Variants in RYR2 observed in about 807,000 individuals in gnomAD.
RYR2 encodes the protein ryanodine receptor 2.
RYR2 carries 227 observed loss-of-function variants against 601.1 expected under a neutral mutation model. That is an observed-to-expected ratio of 0.38 (90% CI 0.34 to 0.42). The LOEUF is 0.42. Among genes scored for constraint, RYR2 ranks in the 10% least tolerant of loss-of-function variants. The pLI is 1.00. For missense variants in RYR2, 4,646 were observed against 6,156.5 expected, an observed-to-expected ratio of 0.75 and a Z score of 8.21; for synonymous variants, 2,223 against 2,175.1, an observed-to-expected ratio of 1.02 and a Z score of -0.61.
intron 87 of RYR2, among the ~76,000 whole-genome samples, chr1:237,776,806 AT>A (rs1422287339): frequency 6.6e-6 from 1 of 151,908 alleles, no homozygotes; most frequent in Non-Finnish European, 1.5e-5. Context: ...GGTGTGTTGT[AT>A]TTTTTTATCT....
intron 25 of RYR2, among the ~76,000 whole-genome samples, chr1:237,544,222 C>G (rs1235581596): frequency 6.6e-6 from 1 of 151,592 alleles, no homozygotes; most frequent in Non-Finnish European, 1.5e-5. Context: ...ATATATATTC[C>G]TCATAAGCTA....
intron 88 of RYR2, among the ~76,000 whole-genome samples, chr1:237,780,563 G>C (rs1695019719): frequency 6.6e-6 from 1 of 152,298 alleles, no homozygotes; most frequent in Non-Finnish European, 1.5e-5. Flanking sequence ...TTGTGCAGAT[G>C]TAAGTATGAT....
chr1:237,395,836 A>G (rs1345875990), intron 10 of RYR2, among the ~76,000 whole-genome samples: 6 of 151,936 alleles, frequency 3.9e-5, no homozygotes, highest in South Asian at 2.1e-4. Context: ...ATGAGCCACC[A>G]CGCCCAGCCA....
At position 237,496,577 on chromosome 1, in the gene RYR2, A is replaced by G. The variant is rs1170751682; in HGVS notation, c.2028A>G (p.Glu676=). 2 of 1,613,992 alleles carry G rather than the reference A, an allele frequency of 1.2e-6. No homozygotes were observed. Among genetic ancestry groups the G allele is most frequent in the African/African-American group, 1.3e-5 (1 of 75,042 alleles). ...CTCAGTATAAGAAATGGTACTATGA[A>G]TTGATGGTGGACCACACAGAGCCCT... ...GSAQYKKWYY[E]LMVDHTEPFV... is the part of the protein sequence containing the mutation. Residue 676 remains glutamate, a synonymous_variant, in exon 20 of 105, where the codon GAA becomes GAG. Transcript: ENST00000366574.
intron 2 of RYR2, among the ~76,000 whole-genome samples, chr1:237,322,634 G>A (rs938737125): frequency 2.0e-5 from 3 of 152,176 alleles, no homozygotes; most frequent in Non-Finnish European, 2.9e-5. Context: ...TCTATCAAGT[G>A]TGTTCAATCT....
chr1:237,580,936 G>C (rs1419912083), intron 29 of RYR2, among the ~76,000 whole-genome samples: 2 of 152,172 alleles, frequency 1.3e-5, no homozygotes, highest in Non-Finnish European at 2.9e-5. Context: ...CCAGCCTCCA[G>C]ACTGTGAGAT....
chr1:237,760,874 G>A, intron 83 of RYR2, 81 bp from the exon 84 acceptor site: 2 of 817,214 alleles, frequency 2.4e-6, no homozygotes, highest in Non-Finnish European at 4.0e-6. Flanking sequence ...CAAGATATAT[G>A]GTGTTTAGAT....
At chr1:237,398,264 A>G (rs1350868874) in intron 10 of RYR2, among the ~76,000 whole-genome samples, 2 of 152,132 alleles carry the variant, frequency 1.3e-5, no homozygotes, top group Non-Finnish European at 2.9e-5. Flanking sequence ...TTATTTTACA[A>G]TTGAATCTCA....
Position 237,669,464 on chromosome 1 carries a change from C to T in RYR2, c.8590+1506C>T, listed in dbSNP as rs1340492811. On this transcript the variant is annotated intron_variant, in intron 58 of 104. Coordinates refer to ENST00000366574, the MANE Select transcript of RYR2 (RefSeq NM_001035.3). ...CCCAGTAGGGGCGGCCGGGCAGAGG[C>T]GCCCCTCACCTCCCGGACGGGGCGG... Among the ~76,000 whole-genome samples the T allele has an allele frequency of 1.6e-3, 239 of 151,486 alleles. 1 individual carries two copies. The highest frequency in any genetic ancestry group is 5.6e-3 in the African/African-American group (230 of 41,406).
intron 2 of RYR2, among the ~76,000 whole-genome samples, chr1:237,276,224 C>T (rs975272065): frequency 6.6e-6 from 1 of 152,142 alleles, no homozygotes; most frequent in African/African-American, 2.4e-5. Flanking sequence ...CTCAGCCTCC[C>T]GAGTTGCTGA....
At chr1:237,145,402 T>A (rs979395746) in intron 1 of RYR2, among the ~76,000 whole-genome samples, 6 of 152,210 alleles carry the variant, frequency 3.9e-5, no homozygotes, top group African/African-American at 1.4e-4. Flanking sequence ...TTCTCCTGTC[T>A]GTGGACAACT....
At chr1:237,262,733 T>A (rs1006676260) in intron 1 of RYR2, among the ~76,000 whole-genome samples, 1 of 152,196 alleles carries the variant, frequency 6.6e-6, no homozygotes, top group Admixed American at 6.5e-5. Flanking sequence ...GCTGGAGAGA[T>A]AACCACAGGA....
At chr1:237,483,076 G>C (rs1662295523) in intron 17 of RYR2, among the ~76,000 whole-genome samples, 1 of 152,006 alleles carries the variant, frequency 6.6e-6, no homozygotes, top group Non-Finnish European at 1.5e-5. Flanking sequence ...CTAACAGGCT[G>C]GTTTAATTTC....
chr1:237,326,494 C>T (rs1435298705), intron 2 of RYR2, among the ~76,000 whole-genome samples: 2 of 152,166 alleles, frequency 1.3e-5, no homozygotes, highest in Non-Finnish European at 2.9e-5. Context: ...TTTTGCATTA[C>T]AGGTAAACGC....
Position 237,784,045 on chromosome 1 carries a change from C to T in RYR2, c.12333C>T (p.Asn4111=), listed in dbSNP as rs748716535. The T allele has an allele frequency of 1.9e-6, 3 of 1,613,974 alleles. No individual in the cohort carries two copies. Among genetic ancestry groups the T allele is most frequent in the Admixed American group, 1.7e-5 (1 of 60,014 alleles). Residue 4111 remains asparagine, a synonymous_variant, in exon 90 of 105, where the codon AAC becomes AAT. Transcript: ENST00000366574. This position sits in a 1 kb window ranked among gnomAD's most constrained non-coding sequence, Gnocchi z 7.1. ...LLTNLSEHMP[N]DTRLQTFLEL... is the part of the protein sequence containing the mutation. ...CAAACCTCTCTGAGCACATGCCCAA[C>T]GATACCCGACTTCAGACTTTTCTGG...
At chr1:237,293,170 C>T (rs957936050) in intron 2 of RYR2, among the ~76,000 whole-genome samples, 1 of 151,994 alleles carries the variant, frequency 6.6e-6, no homozygotes, top group Non-Finnish European at 1.5e-5. Context: ...CAAGTTGATG[C>T]CTTGGCTGCA....
chr1:237,367,988 G>A (rs985423377), intron 5 of RYR2, among the ~76,000 whole-genome samples: 15 of 152,150 alleles, frequency 9.9e-5, no homozygotes, highest in African/African-American at 3.6e-4. Flanking sequence ...AGGGGAGGAG[G>A]GTTCTTGTGT....
In RYR2 at chr1:237,364,360, ATTC is replaced by A; in HGVS notation, c.298_300del (p.Phe100del). 1 of 1,573,532 alleles carries A rather than the reference ATTC, an allele frequency of 6.4e-7. No homozygotes were observed. The highest frequency in any genetic ancestry group is 8.7e-7 in the Non-Finnish European group (1 of 1,154,110). ...CTCTTTTCCTTATGCCCCTACAGAA[ATTC>A]ATGATGAAGGTAAGACATCTTAATA... On this transcript the variant is annotated inframe_deletion, in exon 5 of 105. Transcript: ENST00000366574.
At chr1:237,607,942 C>G (rs951870744) in intron 35 of RYR2, among the ~76,000 whole-genome samples, 8 of 152,132 alleles carry the variant, frequency 5.3e-5, no homozygotes, top group Admixed American at 3.9e-4. Flanking sequence ...TTGAGCAGTG[C>G]TTTATACATG....
Sources: allele counts gnomAD v4.1 joint callset (sites outside exome capture counted in the v4.1 genomes callset), GRCh38; gene constraint gnomAD v4.1.1; non-coding constraint Gnocchi (gnomAD v3.1); transcripts MANE v1.5; gene names NCBI Gene and HGNC (gene_info 2026-07-23, HGNC 2026-07-21).